ADGRA1: variants seen among roughly 807,000 people sequenced by gnomAD.
The protein encoded by ADGRA1 is G-protein coupled receptor 123.
In ADGRA1, 12 loss-of-function variants were observed where a neutral mutation model predicts 21.3. The observed-to-expected ratio is 0.56, with a 90% CI of 0.36 to 0.91. ADGRA1 has a LOEUF of 0.91. ADGRA1 is among the 40% of genes least tolerant of loss of function. ADGRA1 has a pLI of 0.01. For missense variants in ADGRA1, 790 were observed against 805.6 expected (o/e 0.98, Z 0.23); for synonymous variants, 385 against 368.8 (o/e 1.04, Z -0.50).
Position 133,129,358 on chromosome 10 carries a change from C to A in ADGRA1, c.1530C>A (p.His510Gln). 6.3e-7 allele frequency: 1 copy of A among 1,595,270 alleles called. No homozygotes were observed. The highest frequency in any genetic ancestry group is 8.5e-7 in the Non-Finnish European group (1 of 1,173,054). Reference protein sequence around the residue: ...PGREAALGPGHLEMLRRTQSL... With the variant: ...PGREAALGPGQLEMLRRTQSL... Reference sequence around the variant, plus strand: ...GGGAGGCAGCGCTCGGGCCCGGCCACTTGGAGATGCTGCGGAGGACACAGT... The same window carrying A: ...GGGAGGCAGCGCTCGGGCCCGGCCAATTGGAGATGCTGCGGAGGACACAGT... Residue 510 changes from histidine (H) to glutamine (Q), a missense_variant, in exon 7 of 7, where the codon CAC (histidine) becomes CAA (glutamine). By Grantham distance (24) the His-to-Gln change is conservative. Around this residue, in one of 3 missense-constraint regions of ADGRA1, gnomAD observed 391 missense variants for 351.5 expected, o/e 1.11. Coordinates refer to ENST00000392607, the MANE Select transcript of ADGRA1 (RefSeq NM_001083909.3).
intron 5 of ADGRA1, among the ~76,000 whole-genome samples, chr10:133,112,011 CACCA>C (rs1852037621): frequency 8.3e-6 from 1 of 120,594 alleles, no homozygotes; most frequent in African/African-American, 3.4e-5. Flanking sequence ...ACCACCTGCC[CACCA>C]CAGACACCTC....
chr10:133,096,932 C>T, intron 2 of ADGRA1, 42 bp from the exon 3 acceptor site: 1 of 1,588,182 alleles, frequency 6.3e-7, no homozygotes. Context: ...CCCACACAGA[C>T]CCACCAGCCA....
At chr10:133,092,877 G>T in intron 2 of ADGRA1, 1 of 1,482,380 alleles carries the variant, frequency 6.7e-7, no homozygotes, top group Non-Finnish European at 9.1e-7. Context: ...AGGAAGGAAG[G>T]AAATGAAGGG....
At chr10:133,096,454 C>G (rs1044280567) in intron 2 of ADGRA1, among the ~76,000 whole-genome samples, 1 of 152,184 alleles carries the variant, frequency 6.6e-6, no homozygotes, top group Non-Finnish European at 1.5e-5. Flanking sequence ...CTGTTGGTGC[C>G]GAACAGTCTC....
intron 3 of ADGRA1, 125 bp downstream of exon 3, chr10:133,097,226 T>G (rs543892850): frequency 3.8e-4 from 449 of 1,195,618 alleles, no homozygotes; most frequent in Non-Finnish European, 4.8e-4. Flanking sequence ...AAGGTACAAC[T>G]CAGGTCACCA....
chr10:133,092,199 G>A (rs1851606937), intron 2 of ADGRA1, among the ~76,000 whole-genome samples: 2 of 152,236 alleles, frequency 1.3e-5, no homozygotes, highest in Non-Finnish European at 2.9e-5. Flanking sequence ...TCGCGCGTAC[G>A]AACATTTCAG....
Position 133,104,882 on chromosome 10 carries a change from G to A in ADGRA1, c.401+2040G>A, listed in dbSNP as rs117166632. On this transcript the variant is annotated intron_variant, in intron 5 of 6. Transcript: ENST00000392607. ...CTGGGGCTGCTGGGGGACTGTGCTG[G>A]GAGACTGGGCTGCACCTCCTCAGGG... 8.4e-4 allele frequency among the ~76,000 whole-genome samples: 128 copies of A among 152,272 alleles called. No individual in the cohort carries two copies. The South Asian group carries it at 0.013, about 16-fold the overall frequency.
At chr10:133,112,768 C>CTGTGGGCCG in intron 5 of ADGRA1, among the ~76,000 whole-genome samples, 1 of 137,938 alleles carries the variant, frequency 7.2e-6, no homozygotes, top group Non-Finnish European at 1.6e-5. Flanking sequence ...TATTTGGGGT[C>CTGTGGGCCG]TGTAAGCTAT....
Position 133,129,628 on chromosome 10 carries a change from ACC to A in ADGRA1, c.*120_*121del. 1.8e-6 allele frequency: 1 copy of A among 542,264 alleles called. No homozygotes were observed. Among genetic ancestry groups the A allele is most frequent in the South Asian group, 2.8e-5 (1 of 35,212 alleles). The allele number at this position is 542,264 out of a possible 1,614,324, so 33.6% of individuals were successfully genotyped here. ...ACCCCGCCTTTCAGAAGCCGTTCACACCCCTGCCCCTTCCTTGTGATCACACC... is the reference window on the plus strand; with the variant it reads ...ACCCCGCCTTTCAGAAGCCGTTCACACCTGCCCCTTCCTTGTGATCACACC... On this transcript the variant is annotated 3_prime_UTR_variant, in exon 7 of 7. Coordinates refer to ENST00000392607, the MANE Select transcript of ADGRA1 (RefSeq NM_001083909.3).
At chr10:133,105,523 G>A (rs1412808867) in intron 5 of ADGRA1, among the ~76,000 whole-genome samples, 1 of 152,204 alleles carries the variant, frequency 6.6e-6, no homozygotes, top group Admixed American at 6.5e-5. Flanking sequence ...GGCCACCTCT[G>A]CTCTGCTTCC....
intron 5 of ADGRA1, among the ~76,000 whole-genome samples, chr10:133,111,927 C>CACCACA (rs1564849614): frequency 2.4e-5 from 1 of 41,758 alleles, no homozygotes; most frequent in Non-Finnish European, 4.6e-5. Context: ...ACCACCTGCC[C>CACCACA]GCCGTGAGCA....
intron 5 of ADGRA1, among the ~76,000 whole-genome samples, chr10:133,112,775 C>CCGTGTCGGT (rs1392981917): frequency 0.03 from 4,022 of 134,572 alleles, 260 homozygotes; most frequent in Non-Finnish European, 0.044. Context: ...GGTCTGTAAG[C>CCGTGTCGGT]TATGTCGGTT....
intron 5 of ADGRA1, among the ~76,000 whole-genome samples, chr10:133,111,909 G>GACAA (rs1852027310): frequency 8.1e-5 from 1 of 12,334 alleles, no homozygotes; most frequent in Non-Finnish European, 1.6e-4. Flanking sequence ...CCCTCCTAAT[G>GACAA]CCTCCAGACC....
In ADGRA1 at chr10:133,112,857, C is replaced by A. The variant is rs904131259; in HGVS notation, c.401+10015C>A. 3.3e-5 allele frequency among the ~76,000 whole-genome samples: 4 copies of A among 120,682 alleles called. 1 individual carries two copies. Among genetic ancestry groups the A allele is most frequent in the Admixed American group, 9.0e-5 (1 of 11,080 alleles). The allele number at this position is 120,682 out of a possible 152,430, so 79.2% of individuals were successfully genotyped here. Reference sequence around the variant, plus strand: ...AGCTGTGTTGGTTATTGGAGGTCTGCGGGCCACGTCGGTTATTTGGGGTCT... The same window carrying A: ...AGCTGTGTTGGTTATTGGAGGTCTGAGGGCCACGTCGGTTATTTGGGGTCT... On this transcript the variant is annotated intron_variant, in intron 5 of 6. Coordinates refer to ENST00000392607, the MANE Select transcript of ADGRA1 (RefSeq NM_001083909.3).
chr10:133,110,207 AGCAGCAAAAT>A (rs1851962864), intron 5 of ADGRA1, among the ~76,000 whole-genome samples: 1 of 152,274 alleles, frequency 6.6e-6, no homozygotes, highest in Non-Finnish European at 1.5e-5. Flanking sequence ...TCCTTCCTCC[AGCAGCAAAAT>A]GCAGCAAAGT....
rs114920487 is a variant in ADGRA1, at chr10:133,109,533, C to G, written c.401+6691C>G. Among the ~76,000 whole-genome samples the G allele has an allele frequency of 9.5e-3, 1,451 of 152,240 alleles. 26 individuals are homozygous for G. Among genetic ancestry groups the G allele is most frequent in the African/African-American group, 0.033 (1,359 of 41,532 alleles). On this transcript the variant is annotated intron_variant, in intron 5 of 6. Transcript: ENST00000392607. ...GCCCTTTGAGCACTGAGGGTCGGTC[C>G]CTCCAGTGGGATGGTTACCTCCCGT...
intron 2 of ADGRA1, among the ~76,000 whole-genome samples, chr10:133,093,774 C>G (rs1365836088): frequency 1.3e-5 from 2 of 152,236 alleles, no homozygotes; most frequent in African/African-American, 4.8e-5. Context: ...GCTGGCTCAC[C>G]CCTGTCAGCC....
At chr10:133,089,264 G>A (rs1359979926) in intron 2 of ADGRA1, among the ~76,000 whole-genome samples, 1 of 152,162 alleles carries the variant, frequency 6.6e-6, no homozygotes, top group African/African-American at 2.4e-5. Flanking sequence ...GCCACCCCAA[G>A]CCCCTCCACC....
intron 6 of ADGRA1, 40 bp from the exon 7 acceptor site, chr10:133,128,289 C>G: frequency 2.1e-6 from 3 of 1,453,278 alleles, no homozygotes; most frequent in Non-Finnish European, 2.7e-6. Flanking sequence ...GAGTCCTGGC[C>G]GTGCTGGCCC....
Sources: gnomAD v4.1 joint callset for allele counts (sites outside exome capture counted in the v4.1 genomes callset) on GRCh38, gnomAD v4.1.1 for gene constraint, gnomAD v4.1.1 regional missense constraint, MANE v1.5 for transcripts, NCBI Gene and HGNC (gene_info 2026-07-23, HGNC 2026-07-21) for gene names.